The following PTER variants were observed in gnomAD, a reference collection of about 807,000 sequenced individuals.
PTER encodes the protein N-acetyltaurine hydrolase.
A neutral mutation model predicts 29.6 loss-of-function variants in PTER; 38 were observed. The ratio of observed to expected loss-of-function variants is 1.28; its 90% confidence interval spans 0.99 to 1.68. PTER has a LOEUF of 1.68. Among genes scored for constraint, PTER ranks in the 40% most tolerant of loss-of-function variants. PTER has a pLI of 0.00. For synonymous variants in PTER, 172 were observed against 154.5 expected (o/e 1.11, Z -0.84); for missense variants, 482 against 427.8 (o/e 1.13, Z -1.12).
intron 1 of PTER, among the ~76,000 whole-genome samples, chr10:16,478,359 G>A (rs1210612364): frequency 1.1e-4 from 16 of 145,644 alleles, no homozygotes; most frequent in Admixed American, 8.3e-4. Context: ...TGGAGTTGGA[G>A]TGTTGCTCTT....
intron 1 of PTER, among the ~76,000 whole-genome samples, chr10:16,445,357 A>C (rs1292862175): frequency 6.6e-6 from 1 of 152,220 alleles, no homozygotes; most frequent in Non-Finnish European, 1.5e-5. Flanking sequence ...GGTTGCAGTG[A>C]GCCTAGATCG....
At chr10:16,459,526 A>T (rs1211415733) in intron 1 of PTER, among the ~76,000 whole-genome samples, 1 of 152,190 alleles carries the variant, frequency 6.6e-6, no homozygotes, top group Non-Finnish European at 1.5e-5. Context: ...TTAAAAAACT[A>T]GGAACATTTA....
chr10:16,511,695 A>T lies in PTER; in HGVS notation c.*439A>T, dbSNP rs1252143421. ...TTCTTTAATTAATGCTTAATGAATA[A>T]TATGGCACTGTAAAATAGCTTCTGC... On this transcript the variant is annotated 3_prime_UTR_variant, in exon 5 of 5. Coordinates refer to ENST00000535784, the MANE Select transcript of PTER (RefSeq NM_001261836.2). 6.0e-6 allele frequency: 1 copy of T among 167,566 alleles called. No individual in the cohort carries two copies. The highest frequency in any genetic ancestry group is 1.3e-5 in the Non-Finnish European group (1 of 75,436). The allele number at this position is 167,566 out of a possible 1,614,324, so 10.4% of individuals were successfully genotyped here.
chr10:16,481,777 G>A (rs1341256408), intron 1 of PTER, among the ~76,000 whole-genome samples: 3 of 152,054 alleles, frequency 2.0e-5, no homozygotes, highest in African/African-American at 7.3e-5. Context: ...TATCAATTTA[G>A]CTCAGTTTCT....
intron 1 of PTER, among the ~76,000 whole-genome samples, chr10:16,476,971 T>A (rs996710905): frequency 6.7e-6 from 1 of 149,462 alleles, no homozygotes; most frequent in African/African-American, 2.5e-5. Flanking sequence ...AGTGGTGTGA[T>A]TTGGGCTCAC....
At chr10:16,444,039 G>C (rs999769171) in intron 1 of PTER, among the ~76,000 whole-genome samples, 1 of 142,542 alleles carries the variant, frequency 7.0e-6, no homozygotes, top group East Asian at 2.0e-4. Flanking sequence ...GTCTCGCTCT[G>C]TTGCCATGCT....
Position 16,486,445 on chromosome 10 carries a change from TTGAC to T in PTER, c.530_533del (p.Thr177ArgfsTer118), listed in dbSNP as rs1408535282. 5.0e-6 allele frequency: 8 copies of T among 1,613,922 alleles called. No homozygotes were observed. The highest frequency in any genetic ancestry group is 6.8e-6 in the Non-Finnish European group (8 of 1,179,974). On this transcript the variant is annotated frameshift_variant, in exon 3 of 5. Transcript: ENST00000535784. LOFTEE classifies it high-confidence loss of function. ...TGGAGAAATTGGTTGCTCCTGGCCTTTGACTGAGAGTGAAAGAAAGGTTCTCCAG... is the reference window on the plus strand; with the variant it reads ...TGGAGAAATTGGTTGCTCCTGGCCTTTGAGAGTGAAAGAAAGGTTCTCCAG...
intron 4 of PTER, among the ~76,000 whole-genome samples, chr10:16,507,427 C>A (rs10904760): frequency 0.43 from 64,584 of 151,132 alleles, 14,798 homozygotes; most frequent in East Asian, 0.64. Context: ...AAGTGGTTGC[C>A]GTGGAAGTAG....
intron 1 of PTER, among the ~76,000 whole-genome samples, chr10:16,448,807 T>C (rs1232512795): frequency 1.3e-5 from 2 of 152,168 alleles, no homozygotes; most frequent in Admixed American, 1.3e-4. Flanking sequence ...ACAGTAAAGG[T>C]ATATTGCTGG....
At chr10:16,490,709 A>T (rs1835868592) in intron 3 of PTER, among the ~76,000 whole-genome samples, 1 of 149,882 alleles carries the variant, frequency 6.7e-6, no homozygotes, top group South Asian at 2.1e-4. Context: ...CTAGTCTGCC[A>T]TACTGCTTGA....
At chr10:16,505,212 T>C (rs755458377) in intron 4 of PTER, 52 bp downstream of exon 4, 1 of 1,591,078 alleles carries the variant, frequency 6.3e-7, no homozygotes, top group East Asian at 2.2e-5. Context: ...CCCTTTTTGA[T>C]TGTCATATCT....
At position 16,473,532 on chromosome 10, in the gene PTER, A is replaced by AAAAAAAAC. The variant is rs1283879910; in HGVS notation, c.-48-10798_-48-10797insCAAAAAAA. 1.3e-4 allele frequency among the ~76,000 whole-genome samples: 20 copies of AAAAAAAAC among 150,374 alleles called. 1 individual carries two copies. In the East Asian group the frequency reaches 3.7e-3, roughly 28 times the overall value. ...GAGACTCCATCCGAAAAAAAAAAAA[A>AAAAAAAAC]AAAAAAAAAAAAAAACAGTTAGTTC... is the stretch of plus-strand genomic sequence containing the variant. On this transcript the variant is annotated intron_variant, in intron 1 of 4. Transcript: ENST00000535784.
intron 1 of PTER, among the ~76,000 whole-genome samples, chr10:16,440,831 G>A (rs773916735): frequency 1.3e-5 from 2 of 152,234 alleles, no homozygotes; most frequent in Non-Finnish European, 2.9e-5. Flanking sequence ...CAGACCCTGA[G>A]ATTCGGGGAT....
Position 16,484,521 on chromosome 10 carries a change from C to G in PTER, c.137C>G (p.Ala46Gly). 6.2e-7 allele frequency: 1 copy of G among 1,614,028 alleles called. No homozygotes were observed. The highest frequency in any genetic ancestry group is 1.1e-5 in the South Asian group (1 of 91,060). ...TGTCCACCTCCCCCGTGCCAGGAAG[C>G]TATTTCCAAAGAACCTATCGTGATG... ...CYCPPPPCQE[A>G]ISKEPIVMKN... The change falls in exon 2 of 5, where the codon GCT becomes GGT. Residue 46 changes from alanine (A) to glycine (G), a missense_variant. Transcript: ENST00000535784.
chr10:16,487,960 A>G (rs1434374253), intron 3 of PTER, among the ~76,000 whole-genome samples: 2 of 152,192 alleles, frequency 1.3e-5, no homozygotes, highest in African/African-American at 4.8e-5. Context: ...AGCCTAGGCA[A>G]CAGAGCAAGA....
intron 1 of PTER, among the ~76,000 whole-genome samples, chr10:16,451,810 C>G (rs1395372291): frequency 6.6e-6 from 1 of 152,008 alleles, no homozygotes; most frequent in African/African-American, 2.4e-5. Flanking sequence ...GTTATTACCC[C>G]CCAGAAAAGG....
chr10:16,462,560 A>G (rs1248210195), intron 1 of PTER, among the ~76,000 whole-genome samples: 2 of 146,366 alleles, frequency 1.4e-5, no homozygotes, highest in Non-Finnish European at 1.5e-5. Context: ...TGTGTCTTCC[A>G]CATAATCTAC....
chr10:16,468,605 T>C (rs1331320575), intron 1 of PTER, among the ~76,000 whole-genome samples: 1 of 152,156 alleles, frequency 6.6e-6, no homozygotes, highest in African/African-American at 2.4e-5. Flanking sequence ...TACCAGGCAC[T>C]GCAGGGAACT....
In PTER at chr10:16,511,199, G is replaced by A. The variant is rs370833868; in HGVS notation, c.993G>A (p.Glu331=). The change falls in exon 5 of 5, where the codon GAG becomes GAA. Residue 331 remains glutamate, a synonymous_variant. Transcript: ENST00000535784. ...VPKMLLRGIT[E]NVLDKILIEN... is the part of the protein sequence containing the mutation. ...AAATGTTGCTGAGAGGCATAACTGA[G>A]AATGTGCTTGATAAGATTCTAATAG... 5.0e-6 allele frequency: 8 copies of A among 1,614,166 alleles called. 1 individual carries two copies. The highest frequency in any genetic ancestry group is 3.3e-5 in the Admixed American group (2 of 60,022).
Sources: gnomAD v4.1 joint callset for allele counts (sites outside exome capture counted in the v4.1 genomes callset) on GRCh38, gnomAD v4.1.1 for gene constraint, MANE v1.5 for transcripts, NCBI Gene and HGNC (gene_info 2026-07-23, HGNC 2026-07-21) for gene names.